KCTD16: variants seen among roughly 807,000 people sequenced by gnomAD.
KCTD16 encodes the protein potassium channel tetramerization domain containing 16, also known as BTB/POZ domain-containing protein KCTD16.
In KCTD16, 13 loss-of-function variants were observed where a neutral mutation model predicts 33.2. The ratio of observed to expected loss-of-function variants is 0.39; its 90% CI spans 0.25 to 0.62. KCTD16 has a LOEUF of 0.62. Ranked by LOEUF, KCTD16 falls within the 20% of genes least tolerant of loss-of-function variation. The probability of loss-of-function intolerance (pLI) is 0.50; values close to 1 mark genes in which losing one functional copy is unlikely to be tolerated. For missense variants in KCTD16, 441 were observed against 525.1 expected (o/e 0.84, Z 1.57); for synonymous variants, 197 against 195.3 (o/e 1.01, Z -0.07).
At chr5:144,409,988 A>G (rs1752897051) in intron 3 of KCTD16, among the ~76,000 whole-genome samples, 1 of 152,204 alleles carries the variant, frequency 6.6e-6, no homozygotes, top group Non-Finnish European at 1.5e-5. Flanking sequence ...AGATAGGACC[A>G]GAAGGGCATT....
chr5:144,381,136 T>C (rs1210867924), intron 3 of KCTD16, among the ~76,000 whole-genome samples: 3 of 151,814 alleles, frequency 2.0e-5, no homozygotes, highest in Non-Finnish European at 4.4e-5. Flanking sequence ...CATTAAAAAA[T>C]GAGCAAAGGA....
At chr5:144,378,325 G>A (rs76141816) in intron 3 of KCTD16, among the ~76,000 whole-genome samples, 8,654 of 152,200 alleles carry the variant, frequency 0.057, 814 homozygotes, top group African/African-American at 0.19. Context: ...GAATAAGGTG[G>A]TGTATATTGC....
intron 3 of KCTD16, among the ~76,000 whole-genome samples, chr5:144,254,186 G>GTC (rs1207274864): frequency 6.6e-6 from 1 of 151,752 alleles, no homozygotes; most frequent in Non-Finnish European, 1.5e-5. Flanking sequence ...CGCCCAGGCT[G>GTC]TCGTGCAGTG....
intron 3 of KCTD16, among the ~76,000 whole-genome samples, chr5:144,306,631 C>T (rs1751609380): frequency 6.6e-6 from 1 of 152,206 alleles, no homozygotes; most frequent in African/African-American, 2.4e-5. Flanking sequence ...CATTGGCTCG[C>T]ATTACCTCTT....
chr5:144,439,660 G>A (rs750125328), intron 3 of KCTD16, among the ~76,000 whole-genome samples: 14 of 152,166 alleles, frequency 9.2e-5, no homozygotes, highest in Non-Finnish European at 1.9e-4. Flanking sequence ...CACCACCACA[G>A]CCCAGAGAGA....
At chr5:144,342,546 T>C (rs1378043833) in intron 3 of KCTD16, among the ~76,000 whole-genome samples, 1 of 152,202 alleles carries the variant, frequency 6.6e-6, no homozygotes, top group Non-Finnish European at 1.5e-5. Flanking sequence ...TGACTTCCTC[T>C]TTTCCTAACT....
At chr5:144,454,047 G>T (rs1754006693) in intron 3 of KCTD16, among the ~76,000 whole-genome samples, 1 of 152,136 alleles carries the variant, frequency 6.6e-6, no homozygotes, top group South Asian at 2.1e-4. Flanking sequence ...CTTTTGATGA[G>T]AAAGTTGACA....
intron 3 of KCTD16, among the ~76,000 whole-genome samples, chr5:144,309,644 T>C (rs1425535881): frequency 1.3e-5 from 2 of 152,152 alleles, no homozygotes; most frequent in Non-Finnish European, 2.9e-5. Flanking sequence ...GATGGCAGAA[T>C]AGACCTCAAA....
chr5:144,417,592 A>C (rs1003721283), intron 3 of KCTD16, among the ~76,000 whole-genome samples: 4 of 152,172 alleles, frequency 2.6e-5, no homozygotes, highest in Admixed American at 2.6e-4. Context: ...TTCTTAGAAC[A>C]AAATATTTTT....
chr5:144,342,498 A>T (rs1752673278), intron 3 of KCTD16, among the ~76,000 whole-genome samples: 1 of 152,142 alleles, frequency 6.6e-6, no homozygotes. Flanking sequence ...GGTTTTCTAG[A>T]TATACAATCA....
At chr5:144,250,944 A>G (rs180811557) in intron 3 of KCTD16, among the ~76,000 whole-genome samples, 20 of 152,276 alleles carry the variant, frequency 1.3e-4, no homozygotes, top group Non-Finnish European at 2.1e-4. Flanking sequence ...CAATTATTAT[A>G]TATATGTATA....
intron 3 of KCTD16, among the ~76,000 whole-genome samples, chr5:144,219,513 CTTTTTTT>C (rs59442398): frequency 0.015 from 1,127 of 77,136 alleles, 11 homozygotes; most frequent in Non-Finnish European, 0.021. Flanking sequence ...TGTGCTGGGC[CTTTTTTT>C]TTTTTTTTTT....
intron 3 of KCTD16, among the ~76,000 whole-genome samples, chr5:144,267,702 A>G (rs899278991): frequency 6.6e-6 from 1 of 152,174 alleles, no homozygotes; most frequent in African/African-American, 2.4e-5. Flanking sequence ...GAGGCAAAAC[A>G]AAGAAGCAAT....
At chr5:144,296,578 T>A (rs1017363017) in intron 3 of KCTD16, among the ~76,000 whole-genome samples, 2 of 152,178 alleles carry the variant, frequency 1.3e-5, no homozygotes, top group African/African-American at 4.8e-5. Context: ...TTTTAAAAAA[T>A]TCAACAATTA....
At chr5:144,278,828 CT>C (rs1204468555) in intron 3 of KCTD16, among the ~76,000 whole-genome samples, 2 of 152,116 alleles carry the variant, frequency 1.3e-5, no homozygotes, top group East Asian at 3.9e-4. Flanking sequence ...TTAGAAACAG[CT>C]TGTCACTACC....
chr5:144,261,951 C>A (rs1322599769), intron 3 of KCTD16, among the ~76,000 whole-genome samples: 1 of 152,138 alleles, frequency 6.6e-6, no homozygotes, highest in African/African-American at 2.4e-5. Context: ...TCAAACTCTT[C>A]TATTTATCCA....
intron 3 of KCTD16, among the ~76,000 whole-genome samples, chr5:144,398,056 C>G (rs1252176635): frequency 6.6e-6 from 1 of 152,104 alleles, no homozygotes; most frequent in East Asian, 1.9e-4. Flanking sequence ...AACAAGTAGT[C>G]AAAATAGCTG....
intron 3 of KCTD16, among the ~76,000 whole-genome samples, chr5:144,451,484 C>A (rs1753940674): frequency 6.6e-6 from 1 of 152,116 alleles, no homozygotes; most frequent in Non-Finnish European, 1.5e-5. Flanking sequence ...ACATTAATTA[C>A]AGGTTAAAAA....
At chr5:144,453,897 C>T (rs967454197) in intron 3 of KCTD16, among the ~76,000 whole-genome samples, 10 of 152,112 alleles carry the variant, frequency 6.6e-5, no homozygotes, top group South Asian at 4.2e-4. Context: ...AATTTCCCTA[C>T]GGCTTCAGAA....
Sources: allele counts gnomAD v4.1 joint callset (sites outside exome capture counted in the v4.1 genomes callset), GRCh38; gene constraint gnomAD v4.1.1; transcripts MANE v1.5; gene names NCBI Gene and HGNC (gene_info 2026-07-23, HGNC 2026-07-21).